TLN2: variants seen among roughly 807,000 people sequenced by gnomAD.
TLN2 encodes talin 2.
Under a neutral mutation model 294.7 loss-of-function variants are expected in TLN2, and 118 were observed. The observed-to-expected ratio is 0.40, with a 90% CI of 0.34 to 0.47. The LOEUF (loss-of-function observed/expected upper bound fraction) is 0.47. Among genes scored for constraint, TLN2 ranks in the 20% least tolerant of loss-of-function variants. The pLI is 0.84. For synonymous variants in TLN2, 1,431 were observed against 1,304.5 expected, an observed-to-expected ratio of 1.10 and a Z score of -2.09; for missense variants, 3,083 against 3,282.2, an observed-to-expected ratio of 0.94 and a Z score of 1.48.
chr15:62,708,918 C>G (rs771378917), intron 21 of TLN2, 122 bp downstream of exon 21: 2 of 1,170,154 alleles, frequency 1.7e-6, no homozygotes, highest in South Asian at 3.2e-5. Context: ...TCTTCAGTCT[C>G]AAAGACTTCC....
At chr15:62,519,453 T>G (rs563170274) in intron 1 of TLN2, among the ~76,000 whole-genome samples, 1 of 152,352 alleles carries the variant, frequency 6.6e-6, no homozygotes, top group East Asian at 1.9e-4. Context: ...TTGTTTCCTG[T>G]GCCTTTTCAA....
At chr15:62,833,756 C>A in intron 55 of TLN2, 127 bp downstream of exon 55, 1 of 1,363,420 alleles carries the variant, frequency 7.3e-7, no homozygotes. Flanking sequence ...CCCTGAATTG[C>A]CACTCTCTGT....
At chr15:62,537,753 A>T (rs1178361630) in intron 1 of TLN2, among the ~76,000 whole-genome samples, 1 of 152,154 alleles carries the variant, frequency 6.6e-6, no homozygotes, top group Non-Finnish European at 1.5e-5. Flanking sequence ...AGTTCTAGCA[A>T]CTTCAAACCT....
chr15:62,623,485 A>G (rs1265358513), intron 3 of TLN2, among the ~76,000 whole-genome samples: 4 of 152,212 alleles, frequency 2.6e-5, no homozygotes, highest in Non-Finnish European at 4.4e-5. Context: ...TGAGATAATG[A>G]TTCTAAGTTC....
intron 30 of TLN2, among the ~76,000 whole-genome samples, chr15:62,738,543 C>A (rs950615931): frequency 1.3e-4 from 20 of 152,130 alleles, no homozygotes; most frequent in Non-Finnish European, 7.4e-5. Flanking sequence ...TCTTTGAGCC[C>A]ATGTTGCCAT....
At chr15:62,722,122 C>T (rs563512436) in intron 25 of TLN2, among the ~76,000 whole-genome samples, 2 of 152,306 alleles carry the variant, frequency 1.3e-5, no homozygotes, top group East Asian at 1.9e-4. Context: ...TTTGCCTCCT[C>T]TACCCTCCAT....
intron 1 of TLN2, among the ~76,000 whole-genome samples, chr15:62,469,318 G>A (rs1291407028): frequency 6.6e-6 from 1 of 152,226 alleles, no homozygotes; most frequent in Non-Finnish European, 1.5e-5. Flanking sequence ...AGACCAGATA[G>A]CACACACAGT....
intron 3 of TLN2, among the ~76,000 whole-genome samples, chr15:62,627,344 G>T (rs2049368408): frequency 6.6e-6 from 1 of 152,222 alleles, no homozygotes; most frequent in South Asian, 2.1e-4. Context: ...GAAGTGATAG[G>T]TGTTCCCTTT....
At chr15:62,590,156 C>G (rs544633545) in intron 2 of TLN2, among the ~76,000 whole-genome samples, 2 of 151,828 alleles carry the variant, frequency 1.3e-5, no homozygotes, top group South Asian at 4.2e-4. Flanking sequence ...TTCTAGTGGT[C>G]TTTTTTTTAA....
chr15:62,449,136 C>T (rs1196760869), intron 1 of TLN2, among the ~76,000 whole-genome samples: 1 of 152,120 alleles, frequency 6.6e-6, no homozygotes, highest in Non-Finnish European at 1.5e-5. Context: ...GTTTTCAAAA[C>T]CTGAAATGAA....
At chr15:62,404,500 C>G (rs999524228) in intron 1 of TLN2, among the ~76,000 whole-genome samples, 4 of 152,136 alleles carry the variant, frequency 2.6e-5, no homozygotes, top group African/African-American at 9.7e-5. Flanking sequence ...TCAGTGGGCC[C>G]TCTCTGCGCT....
At chr15:62,792,405 C>A (rs1033631910) in intron 45 of TLN2, among the ~76,000 whole-genome samples, 5 of 152,164 alleles carry the variant, frequency 3.3e-5, no homozygotes, top group African/African-American at 1.2e-4. Flanking sequence ...AGGAGGGTAT[C>A]ACGCTAGGAC....
chr15:62,602,181 A>G (rs2047061211), intron 2 of TLN2, among the ~76,000 whole-genome samples: 1 of 152,164 alleles, frequency 6.6e-6, no homozygotes, highest in African/African-American at 2.4e-5. Flanking sequence ...GTTCATACTG[A>G]TACTTCCATG....
intron 9 of TLN2, among the ~76,000 whole-genome samples, chr15:62,661,732 A>G (rs2053856812): frequency 6.6e-6 from 1 of 152,174 alleles, no homozygotes; most frequent in East Asian, 1.9e-4. Context: ...AGCAGAGAGA[A>G]TGACAGAGAA....
At chr15:62,798,131 A>G (rs1297192313) in intron 48 of TLN2, among the ~76,000 whole-genome samples, 2 of 152,106 alleles carry the variant, frequency 1.3e-5, no homozygotes, top group Non-Finnish European at 2.9e-5. Flanking sequence ...CATCGAGGAC[A>G]TTGGTGTCCC....
At chr15:62,474,294 A>G (rs1181933805) in intron 1 of TLN2, among the ~76,000 whole-genome samples, 1 of 152,126 alleles carries the variant, frequency 6.6e-6, no homozygotes, top group Non-Finnish European at 1.5e-5. Context: ...AGCATCTATC[A>G]TTCTCAGAGG....
intron 2 of TLN2, among the ~76,000 whole-genome samples, chr15:62,603,003 C>T (rs2047129754): frequency 6.6e-6 from 1 of 151,990 alleles, no homozygotes; most frequent in African/African-American, 2.4e-5. Flanking sequence ...TGCCATTCTC[C>T]TGCCTCAGCC....
chr15:62,808,272 T>C (rs906988055), intron 51 of TLN2, among the ~76,000 whole-genome samples: 2 of 152,246 alleles, frequency 1.3e-5, no homozygotes, highest in Non-Finnish European at 2.9e-5. Context: ...TCTACTATTA[T>C]AATTAATGTT....
At chr15:62,823,942 C>T (rs752871854) in intron 54 of TLN2, 10 of 528,236 alleles carry the variant, frequency 1.9e-5, no homozygotes, top group Admixed American at 9.8e-5. Flanking sequence ...CTCAGTCAAA[C>T]CTGGATGCCT....
Sources: allele counts gnomAD v4.1 joint callset (sites outside exome capture counted in the v4.1 genomes callset), GRCh38; gene constraint gnomAD v4.1.1; transcripts MANE v1.5; gene names NCBI Gene and HGNC (gene_info 2026-07-23, HGNC 2026-07-21).